TDRD9: variants seen among roughly 807,000 people sequenced by gnomAD.
TDRD9 encodes tudor domain containing 9.
In TDRD9, 124 loss-of-function variants were observed where a neutral mutation model predicts 172.6. The ratio of observed to expected loss-of-function variants is 0.72; its 90% CI spans 0.62 to 0.83. TDRD9 has a LOEUF of 0.83. Ranked by LOEUF, TDRD9 falls within the 40% of genes least tolerant of loss-of-function variation. TDRD9 has a pLI of 0.00. For synonymous variants in TDRD9, 619 were observed against 617.1 expected (o/e 1.00, Z -0.05); for missense variants, 1,479 against 1,714.1 (o/e 0.86, Z 2.42).
intron 30 of TDRD9, among the ~76,000 whole-genome samples, chr14:104,032,708 G>A (rs1045484261): frequency 6.6e-6 from 1 of 152,136 alleles, no homozygotes; most frequent in Admixed American, 6.5e-5. Flanking sequence ...GTGTGGTTTG[G>A]GGCAAACTGT....
chr14:104,015,834 G>A, intron 21 of TDRD9, 147 bp from the exon 22 acceptor site: 2 of 494,328 alleles, frequency 4.0e-6, no homozygotes, highest in East Asian at 6.6e-5. Flanking sequence ...TTTCTGCTTG[G>A]TTGGTGAAAG....
At chr14:103,947,362 C>G (rs7144187) in intron 1 of TDRD9, among the ~76,000 whole-genome samples, 2,456 of 151,536 alleles carry the variant, frequency 0.016, 68 homozygotes, top group African/African-American at 0.057. Flanking sequence ...TGGAGTCTCT[C>G]TCTGTCGCCC....
chr14:103,935,123 C>A (rs759108782), intron 1 of TDRD9, among the ~76,000 whole-genome samples: 1 of 152,194 alleles, frequency 6.6e-6, no homozygotes, highest in Non-Finnish European at 1.5e-5. Context: ...GCTAGCTGGC[C>A]TATCCTGCAG....
At chr14:104,025,476 A>G in intron 25 of TDRD9, 88 bp from the exon 26 acceptor site, 4 of 969,328 alleles carry the variant, frequency 4.1e-6, no homozygotes, top group Middle Eastern at 2.6e-4. Context: ...CGTACAGCAC[A>G]GGGTGTCAGC....
At chr14:103,999,081 C>T (rs4906399) in intron 13 of TDRD9, among the ~76,000 whole-genome samples, 50,352 of 152,146 alleles carry the variant, frequency 0.33, 8,518 homozygotes, top group Middle Eastern at 0.37. Context: ...GCGTGAGCCA[C>T]CGTGCCCGGC....
At position 103,946,245 on chromosome 14, in the gene TDRD9, T is replaced by G. The variant is rs550345027; in HGVS notation, c.216-9419T>G. ...TCAGCCTCCCAGTGTGCTGGGATTATAGGCATGAGCCACTGTGCCCAACCT... is the reference window on the plus strand; with the variant it reads ...TCAGCCTCCCAGTGTGCTGGGATTAGAGGCATGAGCCACTGTGCCCAACCT... On this transcript the variant is annotated intron_variant, in intron 1 of 35. Transcript: ENST00000409874. 3.9e-4 allele frequency among the ~76,000 whole-genome samples: 59 copies of G among 152,328 alleles called. 1 individual carries two copies. The highest frequency in any genetic ancestry group is 1.4e-3 in the African/African-American group (57 of 41,560).
intron 25 of TDRD9, 96 bp downstream of exon 25, chr14:104,024,776 AC>A: frequency 1.9e-6 from 1 of 530,408 alleles, no homozygotes; most frequent in East Asian, 3.1e-5. Flanking sequence ...ACACACACAC[AC>A]ACACACACAC....
chr14:104,031,003 A>G, intron 28 of TDRD9, 105 bp from the exon 29 acceptor site: 4 of 1,045,128 alleles, frequency 3.8e-6, no homozygotes, highest in Non-Finnish European at 2.8e-6. Context: ...AATTAATGAC[A>G]TAGAAATCAG....
Position 103,998,668 on chromosome 14 carries a change from A to G in TDRD9, c.1423A>G (p.Thr475Ala), listed in dbSNP as rs2034143722. The G allele has an allele frequency of 6.2e-7, 1 of 1,612,058 alleles. No homozygotes were observed. Among genetic ancestry groups the G allele is most frequent in the Non-Finnish European group, 8.5e-7 (1 of 1,178,100 alleles). The change falls in exon 13 of 36, where the codon ACA (threonine) becomes GCA (alanine). Residue 475 changes from threonine (T) to alanine (A), a missense_variant. Physicochemically the swap from Thr to Ala is moderately conservative, Grantham distance 58 (BLOSUM62 0). This residue lies in a region of TDRD9 where 1,413 missense variants were observed against 1,649.1 expected (regional missense o/e 0.86). Coordinates refer to ENST00000409874, the MANE Select transcript of TDRD9 (RefSeq NM_153046.3). ...TAGAACTTTGGTCTGTGATGAAGATACAAATTATCAGAGTCTGCGATTGAG... is the reference window on the plus strand; with the variant it reads ...TAGAACTTTGGTCTGTGATGAAGATGCAAATTATCAGAGTCTGCGATTGAG... Reference protein sequence around the residue: ...LTRTLVCDEDTNYQSLRLSWA... With the variant: ...LTRTLVCDEDANYQSLRLSWA...
At chr14:103,996,623 C>T (rs938860170) in intron 12 of TDRD9, among the ~76,000 whole-genome samples, 9 of 151,974 alleles carry the variant, frequency 5.9e-5, no homozygotes, top group African/African-American at 2.2e-4. Flanking sequence ...AGCACACGGC[C>T]AGTGTGGCTG....
intron 32 of TDRD9, among the ~76,000 whole-genome samples, chr14:104,038,068 C>T (rs2035503817): frequency 6.6e-6 from 1 of 152,138 alleles, no homozygotes. Flanking sequence ...TACTCACCTC[C>T]TTCCCTTGGT....
intron 6 of TDRD9, among the ~76,000 whole-genome samples, chr14:103,975,042 G>A (rs1441744578): frequency 6.6e-6 from 1 of 152,142 alleles, no homozygotes; most frequent in Non-Finnish European, 1.5e-5. Flanking sequence ...AAAGTGCTGG[G>A]ATTATAGGTG....
chr14:103,956,103 AAAAAAAAAATATATATATAT>A (rs2051201672), intron 2 of TDRD9, among the ~76,000 whole-genome samples: 1 of 50,256 alleles, frequency 2.0e-5, no homozygotes, highest in Non-Finnish European at 3.6e-5. Context: ...AAAAAAAAAA[AAAAAAAAAATATATATATAT>A]ATATATATAT....
At chr14:103,965,637 T>A in intron 4 of TDRD9, 83 bp downstream of exon 4, 1 of 1,271,536 alleles carries the variant, frequency 7.9e-7, no homozygotes, top group Non-Finnish European at 1.1e-6. Flanking sequence ...TCTGTGTAAG[T>A]TGATAGTATG....
intron 1 of TDRD9, among the ~76,000 whole-genome samples, chr14:103,944,563 G>A (rs1408538180): frequency 3.7e-4 from 33 of 88,006 alleles, no homozygotes; most frequent in African/African-American, 1.5e-3. Flanking sequence ...TCTCCACCCC[G>A]CCCCCCACCC....
chr14:104,026,241 G>A, intron 27 of TDRD9, 105 bp downstream of exon 27: 3 of 786,762 alleles, frequency 3.8e-6, no homozygotes, highest in South Asian at 3.3e-5. Flanking sequence ...AGCTAGGGGA[G>A]CCAAGGCCCA....
At position 104,006,234 on chromosome 14, in the gene TDRD9, GTT is replaced by G. The variant is rs1169356320; in HGVS notation, c.1714-148_1714-147del. Among the ~76,000 whole-genome samples, 4 of 152,086 alleles carry G rather than the reference GTT, an allele frequency of 2.6e-5. 1 individual carries two copies. Among genetic ancestry groups the G allele is most frequent in the Admixed American group, 2.6e-4 (4 of 15,274 alleles). On this transcript the variant is annotated intron_variant, in intron 15 of 35. Coordinates refer to ENST00000409874, the MANE Select transcript of TDRD9 (RefSeq NM_153046.3). ...TAAGTTTCAAGGGAAAATTTAAAAA[GTT>G]TTTTTTGGTAACATATCAACCTTTC...
chr14:103,948,610 G>A (rs1032413727), intron 1 of TDRD9, among the ~76,000 whole-genome samples: 3 of 152,146 alleles, frequency 2.0e-5, no homozygotes, highest in African/African-American at 7.2e-5. Flanking sequence ...CATATCCATA[G>A]AAAGGAGTAT....
chr14:103,967,020 T>A (rs1050607477), intron 5 of TDRD9, among the ~76,000 whole-genome samples, 189 bp downstream of exon 5: 4 of 152,172 alleles, frequency 2.6e-5, no homozygotes, highest in Admixed American at 2.0e-4. Context: ...ATGAGTTTTT[T>A]GGTGGGGAAT....
Sources: gnomAD v4.1 joint callset for allele counts (sites outside exome capture counted in the v4.1 genomes callset) on GRCh38, gnomAD v4.1.1 for gene constraint, gnomAD v4.1.1 regional missense constraint, MANE v1.5 for transcripts, NCBI Gene and HGNC (gene_info 2026-07-23, HGNC 2026-07-21) for gene names.